COX7A2L: variants seen among roughly 807,000 people sequenced by gnomAD.
COX7A2L encodes cytochrome c oxidase subunit 7A2-like, mitochondrial.
Under a neutral mutation model 14.2 loss-of-function variants are expected in COX7A2L, and 18 were observed. The observed-to-expected ratio is 1.27, with a 90% confidence interval of 0.88 to 1.88. The LOEUF (loss-of-function observed/expected upper bound fraction) is 1.88, where lower values mean the gene tolerates loss of function less well. COX7A2L is among the 40% of genes most tolerant of loss of function. The pLI is 0.00. For missense variants in COX7A2L, 179 were observed against 138.8 expected (o/e 1.29, Z -1.46); for synonymous variants, 65 against 57.4 (o/e 1.13, Z -0.60).
intron 1 of COX7A2L, among the ~76,000 whole-genome samples, chr2:42,360,287 C>T (rs537267328): frequency 6.6e-6 from 1 of 152,294 alleles, no homozygotes; most frequent in East Asian, 1.9e-4. Context: ...TGACACACTT[C>T]ATTTAATGTG....
downstream of COX7A2L, among the ~76,000 whole-genome samples, chr2:42,344,369 T>C (rs1198504906): frequency 6.6e-6 from 1 of 152,216 alleles, no homozygotes; most frequent in African/African-American, 2.4e-5. Flanking sequence ...TTTACCCTAC[T>C]ACAACTTTAG....
rs1670359161 is a variant in COX7A2L at position 42,339,559 on chromosome 2, TC to T, written c.193-5691del. Among the ~76,000 whole-genome samples the T allele has an allele frequency of 6.6e-6, 1 of 152,172 alleles. No homozygotes were observed. Among genetic ancestry groups the T allele is most frequent in the Non-Finnish European group, 1.5e-5 (1 of 68,022 alleles). On this transcript the variant is annotated intron_variant, in intron 2 of 2. Transcript: ENST00000468711. This position sits in a 1 kb window ranked among gnomAD's most constrained non-coding sequence, Gnocchi z 5.4. ...CTGCCACCATTCCTCCTGGTTTCTT[TC>T]TTCCCTTCTGCCCTTCCTCCCTCCC...
At position 42,338,397 on chromosome 2, in the gene COX7A2L, A is replaced by G. The variant is rs1446130396; in HGVS notation, c.193-4528T>C. On this transcript the variant is annotated intron_variant, in intron 2 of 2. Coordinates refer to the COX7A2L transcript ENST00000468711. This position sits in a 1 kb window ranked among gnomAD's most constrained non-coding sequence, Gnocchi z 4.4. ...TTCACTCTCTAGCAGAGCCCTCCCA[A>G]GACTGCCGCAGAACTGAGATGAGGT... Among the ~76,000 whole-genome samples, 3 of 152,144 alleles carry G rather than the reference A, an allele frequency of 2.0e-5. No homozygotes were observed. Among genetic ancestry groups the G allele is most frequent in the South Asian group, 2.1e-4 (1 of 4,820 alleles).
intron 1 of COX7A2L, among the ~76,000 whole-genome samples, chr2:42,360,731 G>C (rs1670999837): frequency 6.6e-6 from 1 of 151,470 alleles, no homozygotes; most frequent in Admixed American, 6.6e-5. Context: ...ACGACAAGGA[G>C]GCCGAAAGCC....
chr2:42,340,622 C>T (rs1207953562), intron 2 of COX7A2L, among the ~76,000 whole-genome samples: 8 of 152,106 alleles, frequency 5.3e-5, no homozygotes, highest in African/African-American at 1.9e-4. Flanking sequence ...CCCCCAGGCG[C>T]ACCCGAGATG....
intron 1 of COX7A2L, among the ~76,000 whole-genome samples, chr2:42,368,493 C>T (rs1026862796): frequency 1.3e-5 from 2 of 152,230 alleles, no homozygotes; most frequent in African/African-American, 4.8e-5. Flanking sequence ...ATAAAAATCA[C>T]TTTCCTTTTT....
downstream of COX7A2L, among the ~76,000 whole-genome samples, chr2:42,347,384 C>T (rs1159633236): frequency 6.7e-6 from 1 of 148,982 alleles, no homozygotes; most frequent in Admixed American, 6.7e-5. Flanking sequence ...CTAAATCTCA[C>T]GTCTAGAAAT....
chr2:42,354,658 C>G (rs935803605), intron 1 of COX7A2L, among the ~76,000 whole-genome samples: 1 of 152,158 alleles, frequency 6.6e-6, no homozygotes, highest in Non-Finnish European at 1.5e-5. Flanking sequence ...TAAAAAGAAG[C>G]ATTAAAGTAA....
At chr2:42,353,461 G>A (rs1157812142) in intron 1 of COX7A2L, 118 bp from the exon 2 acceptor site, 2 of 1,361,068 alleles carry the variant, frequency 1.5e-6, no homozygotes, top group East Asian at 4.8e-5. Context: ...CTTTCCCAGA[G>A]CAAACCCTGT....
downstream of COX7A2L, among the ~76,000 whole-genome samples, chr2:42,346,375 G>A (rs1470009758): frequency 6.6e-6 from 1 of 152,150 alleles, no homozygotes; most frequent in East Asian, 1.9e-4. Flanking sequence ...TGTATCAGCT[G>A]GATTTAATGA....
At chr2:42,365,630 AG>A (rs1289680814), upstream of COX7A2L, 2 of 152,186 alleles carry the variant, frequency 1.3e-5, no homozygotes, top group East Asian at 3.9e-4. Flanking sequence ...TCCGTCCCGA[AG>A]AAAAAAAAAA....
chr2:42,353,357 A>G lies in COX7A2L; in HGVS notation c.73-14T>C. 6.2e-7 allele frequency: 1 copy of G among 1,611,862 alleles called. No individual in the cohort carries two copies. On this transcript the variant is annotated splice_polypyrimidine_tract_variant and intron_variant, in intron 1 of 2. Coordinates refer to ENST00000234301, the MANE Select transcript of COX7A2L (RefSeq NM_004718.4). ...AGGCTTTAATCCCTGTAGAGAAAAA[A>G]AGGAAAATGGCAAGTTGAAAGTATG... is the stretch of plus-strand genomic sequence containing the variant.
intron 1 of COX7A2L, among the ~76,000 whole-genome samples, chr2:42,356,312 T>C (rs184653662): frequency 1.6e-4 from 25 of 152,302 alleles, no homozygotes; most frequent in Admixed American, 1.6e-3. Flanking sequence ...TCTTTATTTT[T>C]CTCCACAGCA....
rs1394885156 is a variant in COX7A2L at position 42,353,264 on chromosome 2, A to T, written c.152T>A (p.Val51Glu). The part of the protein sequence containing the change: ...TPTKLTSDST[V>E]YDYAGKNKVP... ...TTTGTTTTTCCCAGCATAATCATAC[A>T]CTGTGGAATCGGAGGTCAGTTTAGT... The change falls in exon 2 of 3, where the codon GTG (valine) becomes GAG (glutamate). Residue 51 changes from valine (V) to glutamate (E), a missense_variant. Coordinates refer to ENST00000234301, the MANE Select transcript of COX7A2L (RefSeq NM_004718.4). 2.5e-6 allele frequency: 4 copies of T among 1,614,028 alleles called. No homozygotes were observed. In the African/African-American group the frequency reaches 4.0e-5, roughly 16 times the overall value.
chr2:42,337,945 G>A (rs1327721125), intron 2 of COX7A2L, among the ~76,000 whole-genome samples: 2 of 152,178 alleles, frequency 1.3e-5, no homozygotes, highest in African/African-American at 2.4e-5. Flanking sequence ...CGCCCGCTCT[G>A]CTACCATGGG....
chr2:42,365,494 G>A (rs146978088), upstream of COX7A2L, among the ~76,000 whole-genome samples: 1,628 of 152,190 alleles, frequency 0.011, 32 homozygotes, highest in African/African-American at 0.036. Context: ...GGGCATGGTG[G>A]CATGCATCTG....
chr2:42,361,414 G>A, upstream of COX7A2L: 1 of 442,820 alleles, frequency 2.3e-6, no homozygotes, highest in South Asian at 3.2e-5. Context: ...GAGTCTGTAG[G>A]AAATATGAAG....
chr2:42,344,559 G>C (rs1350153379), downstream of COX7A2L, among the ~76,000 whole-genome samples: 7 of 152,186 alleles, frequency 4.6e-5, no homozygotes, highest in Admixed American at 4.6e-4. Context: ...ATCTGTCTTA[G>C]AATGCGTCGC....
upstream of COX7A2L, among the ~76,000 whole-genome samples, chr2:42,362,139 C>T (rs866462152): frequency 6.6e-6 from 1 of 152,180 alleles, no homozygotes; most frequent in Non-Finnish European, 1.5e-5. Flanking sequence ...ATCAGAAACA[C>T]TTGTAAAATC....
Sources: gnomAD v4.1 joint callset for allele counts (sites outside exome capture counted in the v4.1 genomes callset) on GRCh38, gnomAD v4.1.1 for gene constraint, Gnocchi (gnomAD v3.1) non-coding constraint, MANE v1.5 for transcripts, NCBI Gene and HGNC (gene_info 2026-07-23, HGNC 2026-07-21) for gene names.